Variants in ANKHD1 observed in about 807,000 individuals in gnomAD.
The protein encoded by ANKHD1 is ankyrin repeat and KH domain containing 1.
ANKHD1 carries 31 observed loss-of-function variants against 230.5 expected under a neutral mutation model. That is an observed-to-expected ratio of 0.13 (90% CI 0.10 to 0.18). The LOEUF is 0.18. ANKHD1 is among the 10% of genes least tolerant of loss of function. The probability of loss-of-function intolerance (pLI) is 1.00; values close to 1 mark genes in which losing one functional copy is unlikely to be tolerated. For missense variants in ANKHD1, 2,256 were observed against 3,071.3 expected, an observed-to-expected ratio of 0.73 and a Z score of 6.27; for synonymous variants, 1,074 against 1,117.6, an observed-to-expected ratio of 0.96 and a Z score of 0.78.
At chr5:140,496,482 T>TTAAA in intron 14 of ANKHD1, 38 bp from the exon 15 acceptor site, 3 of 1,036,354 alleles carry the variant, frequency 2.9e-6, no homozygotes, top group Middle Eastern at 2.6e-4. Context: ...TTTTTTTTTT[T>TTAAA]AGCATGGCAC....
chr5:140,505,965 G>T, intron 18 of ANKHD1, 96 bp downstream of exon 18: 1 of 1,499,492 alleles, frequency 6.7e-7, no homozygotes, highest in Non-Finnish European at 8.9e-7. Flanking sequence ...AAATTTGCAT[G>T]TATTTTGTGT....
At chr5:140,450,541 T>C (rs1452409234) in intron 7 of ANKHD1, among the ~76,000 whole-genome samples, 3 of 152,006 alleles carry the variant, frequency 2.0e-5, no homozygotes, top group Middle Eastern at 3.4e-3. Context: ...TCTCTCTCTC[T>C]CTCTCTCTTT....
At chr5:140,484,119 A>G (rs1751404890) in intron 11 of ANKHD1, among the ~76,000 whole-genome samples, 2 of 152,226 alleles carry the variant, frequency 1.3e-5, no homozygotes, top group South Asian at 4.1e-4. Flanking sequence ...CTTTCCCAAA[A>G]GGTACTTTTA....
In ANKHD1 at chr5:140,496,973, A is replaced by T; in HGVS notation, c.2699A>T (p.Asp900Val). ...CACTTTTCAGAGTTACCTCAGGTTG[A>T]CACAATCTTATTTAAAGATAATGAT... ...EDHFSELPQV[D>V]TILFKDNDVD... The change falls in exon 15 of 34, where the codon GAC becomes GTC. Residue 900 changes from aspartate (D) to valine (V), a missense_variant. By Grantham distance (152) the Asp-to-Val change is radical. Transcript: ENST00000360839. The T allele has an allele frequency of 1.2e-6, 2 of 1,614,192 alleles. No homozygotes were observed. Among genetic ancestry groups the T allele is most frequent in the Non-Finnish European group, 1.7e-6 (2 of 1,180,016 alleles).
Position 140,505,223 on chromosome 5 carries a change from A to G in ANKHD1, c.3252A>G (p.Arg1084=). ...LIARDAKIEH[R]DKKGFTPLIL... ...CACGGGATGCCAAAATTGAACACAG[A>G]GACAAAAAAGGTAAATATCAGTCAG... is the stretch of plus-strand genomic sequence containing the variant. Residue 1084 remains arginine, a synonymous_variant, in exon 17 of 34, where the codon AGA becomes AGG. Coordinates refer to ENST00000360839, the MANE Select transcript of ANKHD1 (RefSeq NM_017747.3). The G allele has an allele frequency of 6.2e-7, 1 of 1,614,092 alleles. No homozygotes were observed. Among genetic ancestry groups the G allele is most frequent in the Non-Finnish European group, 8.5e-7 (1 of 1,179,988 alleles).
intron 6 of ANKHD1, among the ~76,000 whole-genome samples, chr5:140,447,684 A>G (rs1041123289): frequency 6.6e-6 from 1 of 152,244 alleles, no homozygotes; most frequent in Non-Finnish European, 1.5e-5. Flanking sequence ...TCAAGAGCTC[A>G]TAATTCTATT....
intron 10 of ANKHD1, among the ~76,000 whole-genome samples, chr5:140,478,675 G>A (rs906578112): frequency 1.4e-4 from 21 of 152,008 alleles, no homozygotes; most frequent in African/African-American, 4.3e-4. Flanking sequence ...ACAGAATTTC[G>A]CTCTTGTTGC....
chr5:140,506,809 T>C lies in ANKHD1; in HGVS notation c.3409-26T>C. 6.2e-7 allele frequency: 1 copy of C among 1,612,878 alleles called. No individual in the cohort carries two copies. The highest frequency in any genetic ancestry group is 8.5e-7 in the Non-Finnish European group (1 of 1,179,674). ...AGTTGAGCCCTTGGTGTAAACTCTC[T>C]TCTCTATCCATATTTTACTTTGTAG... On this transcript the variant is annotated intron_variant, in intron 18 of 33. Coordinates refer to ENST00000360839, the MANE Select transcript of ANKHD1 (RefSeq NM_017747.3). This position sits in a 1 kb window ranked among gnomAD's most constrained non-coding sequence, Gnocchi z 4.7.
At chr5:140,500,648 C>CAAAAAAAA (rs376975917) in intron 15 of ANKHD1, among the ~76,000 whole-genome samples, 2 of 78,716 alleles carry the variant, frequency 2.5e-5, no homozygotes, top group East Asian at 3.4e-4. Context: ...GACTCTGTCT[C>CAAAAAAAA]AAAAAAAAAA....
At position 140,529,565 on chromosome 5, in the gene ANKHD1, G is replaced by A. The variant is rs200190128; in HGVS notation, c.6619G>A (p.Ala2207Thr). 1 of 1,614,222 alleles carries A rather than the reference G, an allele frequency of 6.2e-7. No individual in the cohort carries two copies. The highest frequency in any genetic ancestry group is 1.3e-5 in the African/African-American group (1 of 75,052). The change falls in exon 29 of 34, where the codon GCC becomes ACC. Residue 2207 changes from alanine (A) to threonine (T), a missense_variant. Physicochemically the swap from Ala to Thr is moderately conservative, Grantham distance 58 (BLOSUM62 0). Coordinates refer to ENST00000360839, the MANE Select transcript of ANKHD1 (RefSeq NM_017747.3). Reference sequence around the variant, plus strand: ...GTCTTTGCCACCTACATTTGGCCCAGCCACACTTTTCAATCACTTCAGCAG... The same window carrying A: ...GTCTTTGCCACCTACATTTGGCCCAACCACACTTTTCAATCACTTCAGCAG... ...NKSLPPTFGP[A>T]TLFNHFSSLF...
intron 1 of ANKHD1, among the ~76,000 whole-genome samples, chr5:140,423,648 T>G (rs956969511): frequency 1.3e-5 from 2 of 152,216 alleles, no homozygotes; most frequent in African/African-American, 4.8e-5. Flanking sequence ...TTCACTTCTA[T>G]TATGTTTCAT....
At chr5:140,517,795 G>A (rs1441002854) in intron 24 of ANKHD1, among the ~76,000 whole-genome samples, 286 of 136,362 alleles carry the variant, frequency 2.1e-3, no homozygotes, top group Admixed American at 3.1e-3. Context: ...AAAGCAGTGT[G>A]TAGAGGGAAA....
intron 24 of ANKHD1, among the ~76,000 whole-genome samples, chr5:140,519,619 C>T (rs11743782): frequency 0.41 from 61,599 of 151,846 alleles, 13,311 homozygotes; most frequent in East Asian, 0.55. Context: ...TCAGAAATAA[C>T]GCCGCATGTC....
At chr5:140,490,032 CT>C (rs1215228828) in intron 14 of ANKHD1, among the ~76,000 whole-genome samples, 1 of 151,532 alleles carries the variant, frequency 6.6e-6, no homozygotes, top group East Asian at 1.9e-4. Flanking sequence ...AAAGACTTAA[CT>C]TTTTTTTTAT....
At chr5:140,453,408 T>C (rs550379146) in intron 7 of ANKHD1, among the ~76,000 whole-genome samples, 5 of 152,040 alleles carry the variant, frequency 3.3e-5, no homozygotes, top group Non-Finnish European at 7.4e-5. Context: ...GGACACATAA[T>C]TGTCAGATTC....
Position 140,441,004 on chromosome 5 carries a change from G to T in ANKHD1, c.775G>T (p.Ala259Ser). The change falls in exon 5 of 34, where the codon GCT (alanine) becomes TCT (serine). Residue 259 changes from alanine (A) to serine (S), a missense_variant. This residue lies in a region of ANKHD1 where 206 missense variants were observed against 304.5 expected (regional missense o/e 0.68). Transcript: ENST00000360839. ...TATATGTGTTTTAAAGGTATTGCTT[G>T]CTATGCATGCTAATGTTGAAGATCG... ...GYYELAQVLL[A>S]MHANVEDRGN... 4 of 1,603,498 alleles carry T rather than the reference G, an allele frequency of 2.5e-6. No homozygotes were observed. The highest frequency in any genetic ancestry group is 3.4e-6 in the Non-Finnish European group (4 of 1,176,538).
At chr5:140,407,923 T>C (rs932284209) in intron 1 of ANKHD1, among the ~76,000 whole-genome samples, 10 of 152,148 alleles carry the variant, frequency 6.6e-5, no homozygotes, top group African/African-American at 2.4e-4. Context: ...ACGCCTGTAA[T>C]CCCACCACTT....
chr5:140,494,757 G>C (rs1751949746), intron 14 of ANKHD1, among the ~76,000 whole-genome samples: 1 of 151,894 alleles, frequency 6.6e-6, no homozygotes, highest in Non-Finnish European at 1.5e-5. Context: ...CTTTGGACTT[G>C]AGAATCATTT....
At chr5:140,430,455 A>T (rs1427645830) in intron 1 of ANKHD1, among the ~76,000 whole-genome samples, 1 of 152,308 alleles carries the variant, frequency 6.6e-6, no homozygotes, top group Non-Finnish European at 1.5e-5. Context: ...AGCTATATGT[A>T]AGAAAGTATA....
Sources: allele counts gnomAD v4.1 joint callset (sites outside exome capture counted in the v4.1 genomes callset), GRCh38; gene constraint gnomAD v4.1.1; regional missense constraint gnomAD v4.1.1; non-coding constraint Gnocchi (gnomAD v3.1); transcripts MANE v1.5; gene names NCBI Gene and HGNC (gene_info 2026-07-23, HGNC 2026-07-21).